Variants in RAB12 observed in about 807,000 individuals in gnomAD.
RAB12 encodes the protein RAB12, member RAS oncogene family.
A neutral mutation model predicts 28.4 loss-of-function variants in RAB12; 11 were observed. The observed-to-expected ratio is 0.39, with a 90% CI of 0.24 to 0.64. RAB12 has a LOEUF of 0.64. Among genes scored for constraint, RAB12 ranks in the 30% least tolerant of loss-of-function variants. The pLI, the probability that RAB12 is intolerant of heterozygous loss-of-function variation, is 0.50. For missense variants in RAB12, 276 were observed against 351.1 expected, an observed-to-expected ratio of 0.79 and a Z score of 1.71; for synonymous variants, 138 against 145.3, an observed-to-expected ratio of 0.95 and a Z score of 0.36.
intron 2 of RAB12, among the ~76,000 whole-genome samples, 178 bp downstream of exon 2, chr18:8,625,176 T>C (rs905622065): frequency 1.3e-5 from 2 of 152,362 alleles, no homozygotes; most frequent in East Asian, 3.9e-4. Flanking sequence ...AAGGCTGTTA[T>C]GTTATATGCC....
At chr18:8,629,124 A>C (rs1246820585) in intron 2 of RAB12, among the ~76,000 whole-genome samples, 2 of 152,256 alleles carry the variant, frequency 1.3e-5, no homozygotes, top group African/African-American at 4.8e-5. Flanking sequence ...ATTTTTCAAC[A>C]TTAAAAACAT....
chr18:8,612,576 C>T (rs2096004449), intron 1 of RAB12, among the ~76,000 whole-genome samples: 1 of 152,252 alleles, frequency 6.6e-6, no homozygotes, highest in Non-Finnish European at 1.5e-5. Flanking sequence ...GGAAGAGTCC[C>T]TGAGTGTGCC....
intron 2 of RAB12, among the ~76,000 whole-genome samples, chr18:8,625,465 G>T (rs2096012142): frequency 6.6e-6 from 1 of 152,166 alleles, no homozygotes; most frequent in African/African-American, 2.4e-5. Flanking sequence ...CTGCGGGTGG[G>T]CATACTCCTT....
intron 1 of RAB12, among the ~76,000 whole-genome samples, chr18:8,610,282 G>A (rs1402614442): frequency 6.6e-6 from 1 of 152,198 alleles, no homozygotes; most frequent in Non-Finnish European, 1.5e-5. Flanking sequence ...CGAGTGGAGC[G>A]CAGGCAGGCA....
At chr18:8,626,426 G>A (rs1379171887) in intron 2 of RAB12, among the ~76,000 whole-genome samples, 2 of 152,382 alleles carry the variant, frequency 1.3e-5, no homozygotes, top group East Asian at 3.9e-4. Flanking sequence ...CTTGGTGACA[G>A]CCATGCCTGA....
chr18:8,616,547 C>T (rs1399176570), intron 1 of RAB12, among the ~76,000 whole-genome samples: 1 of 152,136 alleles, frequency 6.6e-6, no homozygotes, highest in Admixed American at 6.5e-5. Flanking sequence ...CACGTCAGCA[C>T]TTGGGCGAAG....
At chr18:8,628,696 C>T (rs1443160107) in intron 2 of RAB12, among the ~76,000 whole-genome samples, 3 of 152,200 alleles carry the variant, frequency 2.0e-5, no homozygotes, top group African/African-American at 7.2e-5. Context: ...TAATGGTGAG[C>T]TTCTTAATGT....
chr18:8,621,807 CCTT>C (rs2096010032), intron 1 of RAB12, among the ~76,000 whole-genome samples: 1 of 114,714 alleles, frequency 8.7e-6, no homozygotes, highest in Non-Finnish European at 2.2e-5. Context: ...GTGTCTGTTC[CCTT>C]CTTTTTGTCT....
chr18:8,632,377 TGTGCACGGATGTCA>T (rs1232654542), intron 2 of RAB12, among the ~76,000 whole-genome samples: 2 of 152,212 alleles, frequency 1.3e-5, no homozygotes, highest in East Asian at 3.9e-4. Context: ...CAGTAGTGGC[TGTGCACGGATGTCA>T]GTGCAGACTT....
chr18:8,639,322 A>G lies in RAB12; in HGVS notation c.*1060A>G, dbSNP rs1187692353. 1 of 152,174 alleles carries G rather than the reference A, an allele frequency of 6.6e-6. No individual in the cohort carries two copies. Among genetic ancestry groups the G allele is most frequent in the Non-Finnish European group, 1.5e-5 (1 of 67,960 alleles). 9.4% of individuals were successfully genotyped at this position (152,174 alleles called of 1,614,324 possible). On this transcript the variant is annotated 3_prime_UTR_variant, in exon 6 of 6. Coordinates refer to ENST00000649141, the MANE Select transcript of RAB12 (RefSeq NM_001025300.3). ...GGTGTGTCTTGAGTGTTGTGGTATG[A>G]AAAGCATTGTGGTCTTTCTACACTA...
intron 4 of RAB12, 133 bp from the exon 5 acceptor site, chr18:8,636,120 A>C (rs2096018752): frequency 4.5e-6 from 3 of 663,906 alleles, no homozygotes. Flanking sequence ...TGTGAACTTT[A>C]TCTTTGAGCG....
At chr18:8,627,246 AG>A in intron 2 of RAB12, among the ~76,000 whole-genome samples, 1 of 152,266 alleles carries the variant, frequency 6.6e-6, no homozygotes, top group East Asian at 1.9e-4. Flanking sequence ...AGGGCATAGA[AG>A]GCGCCTGTGT....
intron 2 of RAB12, among the ~76,000 whole-genome samples, chr18:8,625,882 A>G (rs182421202): frequency 2.0e-5 from 3 of 152,270 alleles, no homozygotes; most frequent in South Asian, 2.1e-4. Flanking sequence ...CTGTGGCATC[A>G]TCGGTCACCT....
chr18:8,621,277 A>G (rs927798003), intron 1 of RAB12, among the ~76,000 whole-genome samples: 1 of 152,210 alleles, frequency 6.6e-6, no homozygotes, highest in East Asian at 1.9e-4. Flanking sequence ...ACATCCCAGT[A>G]TTAAAAATAG....
rs761789831 is a variant in RAB12 at position 8,636,317 on chromosome 18, A to C, written c.869A>C (p.Asp290Ala). The change falls in exon 5 of 6, where the codon GAC (aspartate) becomes GCC (alanine). Residue 290 changes from aspartate to alanine, a missense_variant. This residue lies in a region of RAB12 where 127 missense variants were observed against 161.4 expected (regional missense o/e 0.79). Coordinates refer to ENST00000649141, the MANE Select transcript of RAB12 (RefSeq NM_001025300.3). ...AGTGCCAAGGATAACTTCAATGTGG[A>C]CGAGATATTTTTGAAACTTGTCGAT... The part of the protein sequence containing the change: ...EASAKDNFNV[D>A]EIFLKLVDDI... 6 of 1,611,430 alleles carry C rather than the reference A, an allele frequency of 3.7e-6. No homozygotes were observed. Among genetic ancestry groups the C allele is most frequent in the Non-Finnish European group, 8.5e-7 (1 of 1,179,046 alleles).
rs1262183066 is a variant in RAB12 at position 8,639,043 on chromosome 18, CAAAG to C, written c.*784_*787del. 6.7e-6 allele frequency: 1 copy of C among 149,476 alleles called. No homozygotes were observed. The highest frequency in any genetic ancestry group is 1.5e-5 in the Non-Finnish European group (1 of 67,712). The allele number at this position is 149,476 out of a possible 1,614,324, so 9.3% of individuals were successfully genotyped here. ...TTTAAAGAGATGCATTTTACTATATCAAAGAACATACGTGTATTTGCCTAAACAC... is the reference window on the plus strand; with the variant it reads ...TTTAAAGAGATGCATTTTACTATATCAACATACGTGTATTTGCCTAAACAC... On this transcript the variant is annotated 3_prime_UTR_variant, in exon 6 of 6. Transcript: ENST00000649141.
rs1361403423 is a variant in RAB12, at chr18:8,616,257, C to T, written c.514+6304C>T. 2.0e-5 allele frequency among the ~76,000 whole-genome samples: 3 copies of T among 151,898 alleles called. No homozygotes were observed. The East Asian group carries it at 5.8e-4, about 29-fold the overall frequency. ...TGTTAGAAAAGAGTGCCTCCTGCTT[C>T]AGCTGAGGAAGACATTTATCATCCT... On this transcript the variant is annotated intron_variant, in intron 1 of 5. Coordinates refer to ENST00000649141, the MANE Select transcript of RAB12 (RefSeq NM_001025300.3).
chr18:8,635,674 G>C, intron 4 of RAB12, 52 bp downstream of exon 4: 2 of 1,113,412 alleles, frequency 1.8e-6, no homozygotes, highest in Non-Finnish European at 2.6e-6. Context: ...AGCGCTTGAG[G>C]TACTGTTTCT....
At chr18:8,624,854 A>AACAAAAT in intron 1 of RAB12, 84 bp from the exon 2 acceptor site, 3 of 918,222 alleles carry the variant, frequency 3.3e-6, no homozygotes, top group Non-Finnish European at 3.4e-6. Context: ...TGATAATGAT[A>AACAAAAT]ACAAAATACA....
Sources: allele counts gnomAD v4.1 joint callset (sites outside exome capture counted in the v4.1 genomes callset), GRCh38; gene constraint gnomAD v4.1.1; regional missense constraint gnomAD v4.1.1; transcripts MANE v1.5; gene names NCBI Gene and HGNC (gene_info 2026-07-23, HGNC 2026-07-21).